CSMD1: variants seen among roughly 807,000 people sequenced by gnomAD.
CSMD1 encodes the protein CUB and Sushi multiple domains 1, also known as CUB and sushi domain-containing protein 1.
In CSMD1, 213 loss-of-function variants were observed where a neutral mutation model predicts 417.5. That is an observed-to-expected ratio of 0.51 (90% CI 0.46 to 0.57). The LOEUF (loss-of-function observed/expected upper bound fraction) is 0.57. Ranked by LOEUF, CSMD1 falls within the 20% of genes least tolerant of loss-of-function variation. The pLI is 0.00. For missense variants in CSMD1, 6,923 were observed against 4,529.7 expected, an observed-to-expected ratio of 1.53 and a Z score of -15.17; for synonymous variants, 2,862 against 1,736.8, an observed-to-expected ratio of 1.65 and a Z score of -16.11.
chr8:3,637,052 C>A (rs1435503060), intron 7 of CSMD1, among the ~76,000 whole-genome samples: 1 of 152,094 alleles, frequency 6.6e-6, no homozygotes, highest in Non-Finnish European at 1.5e-5. Flanking sequence ...AAAACCCTCG[C>A]CAGAATCAGG....
intron 10 of CSMD1, among the ~76,000 whole-genome samples, chr8:3,531,183 C>T (rs1158208410): frequency 6.6e-6 from 1 of 152,028 alleles, no homozygotes; most frequent in Non-Finnish European, 1.5e-5. Flanking sequence ...AGAAAATAAG[C>T]ATAATTTCTG....
At chr8:4,305,298 T>C (rs1349864771) in intron 3 of CSMD1, among the ~76,000 whole-genome samples, 2 of 152,034 alleles carry the variant, frequency 1.3e-5, no homozygotes, top group African/African-American at 4.8e-5. Flanking sequence ...AGCCTCCCGC[T>C]AGGAGAGAGT....
At chr8:3,211,750 G>A (rs963215954) in intron 30 of CSMD1, among the ~76,000 whole-genome samples, 4 of 152,220 alleles carry the variant, frequency 2.6e-5, no homozygotes, top group Non-Finnish European at 4.4e-5. Context: ...GGCCCTGCCC[G>A]CACTGGCCAT....
chr8:3,635,702 C>T (rs1303175030), intron 7 of CSMD1, among the ~76,000 whole-genome samples: 1 of 148,868 alleles, frequency 6.7e-6, no homozygotes, highest in Non-Finnish European at 1.5e-5. Context: ...CCAGGATGGT[C>T]TCAATCTCCT....
At chr8:3,255,166 C>G (rs1036927346) in intron 26 of CSMD1, among the ~76,000 whole-genome samples, 2 of 152,180 alleles carry the variant, frequency 1.3e-5, no homozygotes, top group Non-Finnish European at 2.9e-5. Flanking sequence ...GTATCAGTAG[C>G]AGAGGCTGCA....
intron 5 of CSMD1, among the ~76,000 whole-genome samples, chr8:3,838,428 G>C (rs570960564): frequency 1.3e-5 from 2 of 149,796 alleles, no homozygotes; most frequent in Non-Finnish European, 3.0e-5. Context: ...TATATATAGA[G>C]GGAGTGTAAG....
Position 3,219,321 on chromosome 8 carries a change from T to A in CSMD1, c.4606A>T (p.Ser1536Cys), listed in dbSNP as rs1247316423. The A allele has an allele frequency of 2.5e-6, 4 of 1,588,432 alleles. No individual in the cohort carries two copies. Among genetic ancestry groups the A allele is most frequent in the Non-Finnish European group, 3.4e-6 (4 of 1,166,528 alleles). Residue 1536 changes from serine (S) to cysteine (C), a missense_variant, in exon 29 of 70, where the codon AGC (serine) becomes TGC (cysteine). Coordinates refer to ENST00000635120, the MANE Select transcript of CSMD1 (RefSeq NM_033225.6). ...TCACTCCGAAATGCCAGAAACAGGC[T>A]GTTTCCGCTACTCTCTATTCTTTCT... is the stretch of plus-strand genomic sequence containing the variant. ...APERIESSGN[S>C]LFLAFRSDAS...
chr8:3,174,903 CAT>C lies in CSMD1; in HGVS notation c.5725+6205_5725+6206del, dbSNP rs546003030. ...AAAATCTAGATATTCTTATTTTTTA[CAT>C]GTTTGACTATGTATTTTTTGAGTGA... On this transcript the variant is annotated intron_variant, in intron 37 of 69. Coordinates refer to ENST00000635120, the MANE Select transcript of CSMD1 (RefSeq NM_033225.6). Among the ~76,000 whole-genome samples, 25 of 152,080 alleles carry C rather than the reference CAT, an allele frequency of 1.6e-4. No individual in the cohort carries two copies. The East Asian group carries it at 4.3e-3, about 26-fold the overall frequency.
At chr8:3,175,403 C>T (rs886519574) in intron 37 of CSMD1, among the ~76,000 whole-genome samples, 1 of 151,920 alleles carries the variant, frequency 6.6e-6, no homozygotes, top group Non-Finnish European at 1.5e-5. Flanking sequence ...GGATTTTCTA[C>T]TTCCACTTCC....
intron 5 of CSMD1, among the ~76,000 whole-genome samples, chr8:3,871,126 T>A (rs1805456861): frequency 6.6e-6 from 1 of 152,128 alleles, no homozygotes; most frequent in Admixed American, 6.5e-5. Flanking sequence ...TATTTTCAAT[T>A]TTTTAAAACA....
intron 5 of CSMD1, among the ~76,000 whole-genome samples, chr8:3,851,448 T>C (rs1803898909): frequency 1.3e-5 from 2 of 152,202 alleles, no homozygotes; most frequent in African/African-American, 4.8e-5. Flanking sequence ...GCACTTCTAC[T>C]CATCAATTAT....
intron 10 of CSMD1, among the ~76,000 whole-genome samples, chr8:3,540,809 G>A (rs928793986): frequency 6.6e-6 from 1 of 152,104 alleles, no homozygotes; most frequent in Admixed American, 6.6e-5. Flanking sequence ...AAGTAAAGAA[G>A]TGCAAATCAA....
At chr8:4,840,423 A>C (rs1440384926) in intron 1 of CSMD1, among the ~76,000 whole-genome samples, 2 of 152,204 alleles carry the variant, frequency 1.3e-5, no homozygotes, top group Admixed American at 1.3e-4. Flanking sequence ...TTAACCACTT[A>C]TATGTTGAAG....
intron 1 of CSMD1, among the ~76,000 whole-genome samples, chr8:4,772,268 A>G (rs1796640422): frequency 6.6e-6 from 1 of 152,172 alleles, no homozygotes; most frequent in African/African-American, 2.4e-5. Flanking sequence ...AAAGTCAGCA[A>G]CAGTGAACCA....
At chr8:4,016,664 C>A (rs1796538538) in intron 4 of CSMD1, among the ~76,000 whole-genome samples, 1 of 152,198 alleles carries the variant, frequency 6.6e-6, no homozygotes, top group Admixed American at 6.5e-5. Context: ...TTGTCTTACT[C>A]TGTAAAGCAA....
At chr8:3,221,561 C>CA (rs796210113) in intron 28 of CSMD1, among the ~76,000 whole-genome samples, 2 of 149,304 alleles carry the variant, frequency 1.3e-5, no homozygotes, top group East Asian at 3.9e-4. Flanking sequence ...AACAAACAAA[C>CA]ACTATATATC....
chr8:4,359,638 G>A (rs1801636627), intron 3 of CSMD1, among the ~76,000 whole-genome samples: 1 of 152,162 alleles, frequency 6.6e-6, no homozygotes, highest in African/African-American at 2.4e-5. Context: ...TTTGAGTCAT[G>A]CTCCCCTTGC....
At chr8:4,182,109 A>C (rs1344907872) in intron 3 of CSMD1, among the ~76,000 whole-genome samples, 1 of 152,096 alleles carries the variant, frequency 6.6e-6, no homozygotes, top group Non-Finnish European at 1.5e-5. Flanking sequence ...TTTCAATGCT[A>C]AAACTTAAAC....
chr8:3,166,423 A>G (rs1820221368), intron 37 of CSMD1, among the ~76,000 whole-genome samples: 1 of 151,986 alleles, frequency 6.6e-6, no homozygotes, highest in African/African-American at 2.4e-5. Flanking sequence ...AGTCCCACCT[A>G]CTCGGGAGGC....
Sources: allele counts gnomAD v4.1 joint callset (sites outside exome capture counted in the v4.1 genomes callset), GRCh38; gene constraint gnomAD v4.1.1; transcripts MANE v1.5; gene names NCBI Gene and HGNC (gene_info 2026-07-23, HGNC 2026-07-21).